The following GJA8 variants were observed in gnomAD, a reference collection of about 807,000 sequenced individuals.
GJA8 encodes gap junction alpha-8 protein.
Under a neutral mutation model 15.3 loss-of-function variants are expected in GJA8, and 13 were observed. The ratio of observed to expected loss-of-function variants is 0.85; its 90% CI spans 0.55 to 1.35. The LOEUF (loss-of-function observed/expected upper bound fraction) is 1.35. Ranked by LOEUF, GJA8 falls within the 40% of genes most tolerant of loss-of-function variation. GJA8 has a pLI of 0.00. For synonymous variants in GJA8, 304 were observed against 238.7 expected, an observed-to-expected ratio of 1.27 and a Z score of -2.52; for missense variants, 607 against 553.3, an observed-to-expected ratio of 1.10 and a Z score of -0.97.
Position 147,908,360 on chromosome 1 carries a change from C to A in GJA8, c.405C>A (p.Ser135Arg). 6.2e-7 allele frequency: 1 copy of A among 1,614,202 alleles called. No individual in the cohort carries two copies. The highest frequency in any genetic ancestry group is 8.5e-7 in the Non-Finnish European group (1 of 1,180,040). ...DQGSVKKSSGSKGTKKFRLEG... is the reference protein window; with the variant it reads ...DQGSVKKSSGRKGTKKFRLEG... The stretch of plus-strand genomic sequence containing the variant: ...GCAGCGTCAAGAAGAGCAGCGGCAG[C>A]AAAGGCACTAAGAAGTTCCGGCTGG... Residue 135 changes from serine to arginine, a missense_variant, in exon 2 of 2, where the codon AGC becomes AGA. Ser to Arg is a moderately radical substitution (Grantham distance 110). Transcript: ENST00000369235.
chr1:147,911,051 T>C (rs1184322094), downstream of GJA8, among the ~76,000 whole-genome samples: 1 of 152,170 alleles, frequency 6.6e-6, no homozygotes, highest in Non-Finnish European at 1.5e-5. Flanking sequence ...AAAACTAAGA[T>C]GGTTCACCTA....
At chr1:147,910,309 C>T (rs1652061083), downstream of GJA8, among the ~76,000 whole-genome samples, 1 of 152,158 alleles carries the variant, frequency 6.6e-6, no homozygotes, top group South Asian at 2.1e-4. Flanking sequence ...CTAATTAGCC[C>T]AGCTTTCCTA....
chr1:147,907,201 T>A (rs1293970161), intron 1 of GJA8, among the ~76,000 whole-genome samples: 1 of 152,174 alleles, frequency 6.6e-6, no homozygotes, highest in Non-Finnish European at 1.5e-5. Context: ...GTTTTCTTAT[T>A]TGTTGGAATC....
chr1:147,911,896 A>G (rs906094363), downstream of GJA8, among the ~76,000 whole-genome samples: 10 of 148,844 alleles, frequency 6.7e-5, no homozygotes, highest in Admixed American at 3.4e-4. Context: ...CAGGTGGGAC[A>G]TAAGTGTGTG....
chr1:147,908,785 A>G lies in GJA8; in HGVS notation c.830A>G (p.His277Arg). Residue 277 changes from histidine to arginine, a missense_variant, in exon 2 of 2, where the codon CAC becomes CGC. Physicochemically the swap from His to Arg is conservative, Grantham distance 29 (BLOSUM62 0). Transcript: ENST00000369235. ...QLLEEEKIVS[H>R]YFPLTEVGMV... is the part of the protein sequence containing the mutation. ...CTAGAAGAAGAGAAAATCGTTTCCC[A>G]CTATTTCCCCTTGACCGAGGTTGGG... 4 of 1,614,114 alleles carry G rather than the reference A, an allele frequency of 2.5e-6. No homozygotes were observed. Among genetic ancestry groups the G allele is most frequent in the East Asian group, 2.2e-5 (1 of 44,862 alleles).
chr1:147,907,436 A>G (rs1651843877), intron 1 of GJA8, among the ~76,000 whole-genome samples: 1 of 152,180 alleles, frequency 6.6e-6, no homozygotes, highest in Non-Finnish European at 1.5e-5. Flanking sequence ...TACGATCATT[A>G]TATATTCTGA....
intron 1 of GJA8, 113 bp from the exon 2 acceptor site, chr1:147,907,832 T>C (rs982800681): frequency 3.3e-5 from 26 of 784,624 alleles, no homozygotes; most frequent in Admixed American, 1.0e-4. Context: ...TGTGTGCACA[T>C]TGACCGTTCT....
chr1:147,908,433 C>G lies in GJA8; in HGVS notation c.478C>G (p.Leu160Val), dbSNP rs1428872457. The stretch of plus-strand genomic sequence containing the variant: ...CATCTGCCACATCATCTTCAAGACC[C>G]TCTTTGAAGTGGGCTTCATCGTGGG... ...TYICHIIFKT[L>V]FEVGFIVGHY... is the part of the protein sequence containing the mutation. Residue 160 changes from leucine (L) to valine (V), a missense_variant, in exon 2 of 2, where the codon CTC becomes GTC. By Grantham distance (32) the Leu-to-Val change is conservative. Transcript: ENST00000369235. The G allele has an allele frequency of 1.2e-6, 2 of 1,614,070 alleles. No individual in the cohort carries two copies. The highest frequency in any genetic ancestry group is 1.1e-5 in the South Asian group (1 of 91,088).
At position 147,908,029 on chromosome 1, in the gene GJA8, G is replaced by A; in HGVS notation, c.74G>A (p.Trp25Ter). Residue 25 changes from tryptophan (W) to a stop codon, truncating the protein, a stop_gained, in exon 2 of 2, where the codon TGG (tryptophan) becomes TAG (stop). Coordinates refer to ENST00000369235, the MANE Select transcript of GJA8 (RefSeq NM_005267.5). LOFTEE classifies it high-confidence loss of function. The stretch of plus-strand genomic sequence containing the variant: ...CACTCCACCGTCATCGGCAGAGTCT[G>A]GCTCACCGTGCTTTTCATCTTCCGG... The part of the protein sequence containing the change: ...NEHSTVIGRV[W>*]LTVLFIFRIL... The A allele has an allele frequency of 1.2e-6, 2 of 1,614,060 alleles. No individual in the cohort carries two copies. The highest frequency in any genetic ancestry group is 1.7e-6 in the Non-Finnish European group (2 of 1,179,906).
intron 1 of GJA8, among the ~76,000 whole-genome samples, chr1:147,904,926 A>C (rs61810429): frequency 0.033 from 5,066 of 152,284 alleles, 91 homozygotes; most frequent in Middle Eastern, 0.051. Flanking sequence ...TTTGGTTTCA[A>C]AATTACTAAT....
chr1:147,908,491 C>G lies in GJA8; in HGVS notation c.536C>G (p.Pro179Arg), dbSNP rs375160094. Residue 179 changes from proline (P) to arginine (R), a missense_variant, in exon 2 of 2, where the codon CCT becomes CGT. By Grantham distance (103) the Pro-to-Arg change is moderately radical (BLOSUM62 -2). Transcript: ENST00000369235. ...TTCCTGTACGGGTTCCGGATCCTGC[C>G]TCTGTACCGCTGCAGCCGGTGGCCC... ...HYFLYGFRIL[P>R]LYRCSRWPCP... 7.4e-6 allele frequency: 12 copies of G among 1,614,074 alleles called. No individual in the cohort carries two copies. Among genetic ancestry groups the G allele is most frequent in the South Asian group, 1.1e-5 (1 of 91,084 alleles).
intron 1 of GJA8, among the ~76,000 whole-genome samples, chr1:147,905,656 T>C (rs587617329): frequency 1.1e-4 from 17 of 152,342 alleles, no homozygotes; most frequent in African/African-American, 3.6e-4. Flanking sequence ...GCTTACCTGA[T>C]TGTGATGTTT....
At chr1:147,907,807 G>A (rs1651856522) in intron 1 of GJA8, 138 bp from the exon 2 acceptor site, 10 of 717,624 alleles carry the variant, frequency 1.4e-5, no homozygotes, top group Non-Finnish European at 2.5e-5. Flanking sequence ...CACAAAGGAA[G>A]CACTGGATAG....
At chr1:147,906,368 A>T (rs946106381) in intron 1 of GJA8, among the ~76,000 whole-genome samples, 2 of 152,216 alleles carry the variant, frequency 1.3e-5, no homozygotes, top group African/African-American at 4.8e-5. Context: ...GCACTGGATG[A>T]ATGACCCAGT....
chr1:147,908,595 T>C lies in GJA8; in HGVS notation c.640T>C (p.Ser214Pro). The C allele has an allele frequency of 3.1e-6, 5 of 1,614,156 alleles. No individual in the cohort carries two copies. The highest frequency in any genetic ancestry group is 4.2e-6 in the Non-Finnish European group (5 of 1,180,030). ...CATCCTGTTCATGTTGTCTGTGGCCTCTGTGTCCCTATTCCTCAACGTGAT... is the reference window on the plus strand; with the variant it reads ...CATCCTGTTCATGTTGTCTGTGGCCCCTGTGTCCCTATTCCTCAACGTGAT... Reference protein sequence around the residue: ...IFILFMLSVASVSLFLNVMEL... With the variant: ...IFILFMLSVAPVSLFLNVMEL... The change falls in exon 2 of 2, where the codon TCT (serine) becomes CCT (proline). Residue 214 changes from serine (S) to proline (P), a missense_variant. Coordinates refer to ENST00000369235, the MANE Select transcript of GJA8 (RefSeq NM_005267.5).
rs1367769428 is a variant in GJA8 at position 147,908,393 on chromosome 1, C to T, written c.438C>T (p.Thr146=). The T allele has an allele frequency of 1.2e-6, 2 of 1,614,214 alleles. No individual in the cohort carries two copies. Among genetic ancestry groups the T allele is most frequent in the Non-Finnish European group, 1.7e-6 (2 of 1,180,034 alleles). ...CTAAGAAGTTCCGGCTGGAGGGGAC[C>T]CTGCTGAGGACCTACATCTGCCACA... The part of the protein sequence containing the change: ...KGTKKFRLEG[T]LLRTYICHII... Residue 146 remains threonine, a synonymous_variant, in exon 2 of 2, where the codon ACC becomes ACT. Coordinates refer to ENST00000369235, the MANE Select transcript of GJA8 (RefSeq NM_005267.5).
chr1:147,906,035 G>C (rs1651785275), intron 1 of GJA8, among the ~76,000 whole-genome samples: 1 of 152,264 alleles, frequency 6.6e-6, no homozygotes, highest in Non-Finnish European at 1.5e-5. Context: ...GGACATTGCA[G>C]ATGCCTGCAA....
intron 1 of GJA8, among the ~76,000 whole-genome samples, 50 bp downstream of exon 1, chr1:147,902,911 C>G (rs1420321440): frequency 6.6e-6 from 1 of 152,160 alleles, no homozygotes; most frequent in Non-Finnish European, 1.5e-5. Flanking sequence ...CCCAATTGTT[C>G]TTTCTCAGCC....
chr1:147,907,898 G>A, intron 1 of GJA8, 47 bp from the exon 2 acceptor site: 1 of 1,322,298 alleles, frequency 7.6e-7, no homozygotes, highest in East Asian at 2.3e-5. Context: ...TTGACTCAGG[G>A]TTGCATTGCG....
Sources: gnomAD v4.1 joint callset for allele counts (sites outside exome capture counted in the v4.1 genomes callset) on GRCh38, gnomAD v4.1.1 for gene constraint, MANE v1.5 for transcripts, NCBI Gene and HGNC (gene_info 2026-07-23, HGNC 2026-07-21) for gene names.